TOX2: variants seen among roughly 807,000 people sequenced by gnomAD.
The protein encoded by TOX2 is TOX high mobility group box family member 2, also known as granulosa cell HMG box 1.
In TOX2, 15 loss-of-function variants were observed where a neutral mutation model predicts 47.4. The observed-to-expected ratio is 0.32, with a 90% confidence interval of 0.21 to 0.49. The LOEUF is 0.49. Among genes scored for constraint, TOX2 ranks in the 20% least tolerant of loss-of-function variants. The probability of loss-of-function intolerance (pLI) is 0.99; values close to 1 mark genes in which losing one functional copy is unlikely to be tolerated. For synonymous variants in TOX2, 290 were observed against 296.6 expected (o/e 0.98, Z 0.23); for missense variants, 622 against 673.1 (o/e 0.92, Z 0.84).
At chr20:43,970,820 C>T (rs1159461566) in intron 1 of TOX2, among the ~76,000 whole-genome samples, 2 of 152,158 alleles carry the variant, frequency 1.3e-5, no homozygotes, top group Non-Finnish European at 2.9e-5. Context: ...CACTCTGGGA[C>T]AGATGACAAA....
chr20:43,942,982 A>AC (rs923387865), intron 1 of TOX2, among the ~76,000 whole-genome samples: 1 of 152,064 alleles, frequency 6.6e-6, no homozygotes, highest in African/African-American at 2.4e-5. Flanking sequence ...CAGCGATGGG[A>AC]CCCCCTCCAA....
At chr20:43,973,677 A>C (rs1287917486) in intron 2 of TOX2, among the ~76,000 whole-genome samples, 1 of 152,182 alleles carries the variant, frequency 6.6e-6, no homozygotes, top group African/African-American at 2.4e-5. Flanking sequence ...ATGAAACTTG[A>C]AATGTATTGC....
chr20:44,006,395 G>A (rs2070679628), intron 2 of TOX2, 152 bp from the exon 3 acceptor site: 8 of 1,262,506 alleles, frequency 6.3e-6, no homozygotes, highest in East Asian at 4.7e-5. Context: ...TTAGGGCACC[G>A]TCTTGACCCT....
chr20:43,922,582 T>G (rs1298106279), intron 1 of TOX2, among the ~76,000 whole-genome samples: 1 of 152,224 alleles, frequency 6.6e-6, no homozygotes, highest in African/African-American at 2.4e-5. Flanking sequence ...CAGCATGGTT[T>G]GGGAGCAACA....
At chr20:43,978,222 G>A (rs1208798813) in intron 2 of TOX2, among the ~76,000 whole-genome samples, 1 of 152,132 alleles carries the variant, frequency 6.6e-6, no homozygotes, top group South Asian at 2.1e-4. Context: ...AGAAGGGGAG[G>A]TCTAGAAACC....
intron 2 of TOX2, among the ~76,000 whole-genome samples, chr20:43,998,989 A>G (rs2070529918): frequency 6.6e-6 from 1 of 152,084 alleles, no homozygotes; most frequent in African/African-American, 2.4e-5. Context: ...TGGACTCCTG[A>G]CCTGAGGTGA....
chr20:43,970,284 G>T (rs920253965), intron 1 of TOX2, among the ~76,000 whole-genome samples: 9 of 152,196 alleles, frequency 5.9e-5, no homozygotes, highest in Non-Finnish European at 2.9e-5. Context: ...TTCTTCATTG[G>T]ATCATCGTGA....
At position 43,915,087 on chromosome 20, in the gene TOX2, A is replaced by G. The variant is rs1328101917; in HGVS notation, c.99+97A>G. On this transcript the variant is annotated intron_variant, in intron 1 of 8. Coordinates refer to ENST00000341197, the MANE Select transcript of TOX2 (RefSeq NM_001098797.2). The surrounding 1 kb of genome is among the most constrained non-coding windows in gnomAD (Gnocchi z 7.1). ...CCCGGGGTCACACGGGGCCGCGCACATCAGCCCCGCCGACGGGCACGGGCG... is the reference window on the plus strand; with the variant it reads ...CCCGGGGTCACACGGGGCCGCGCACGTCAGCCCCGCCGACGGGCACGGGCG... The G allele has an allele frequency of 1.5e-6, 1 of 666,046 alleles. No homozygotes were observed. Among genetic ancestry groups the G allele is most frequent in the African/African-American group, 2.0e-5 (1 of 50,940 alleles). 41.3% of individuals were successfully genotyped at this position (666,046 alleles called of 1,614,324 possible).
intron 1 of TOX2, among the ~76,000 whole-genome samples, chr20:43,921,571 A>G (rs993969902): frequency 2.0e-5 from 3 of 152,102 alleles, no homozygotes; most frequent in Non-Finnish European, 2.9e-5. Flanking sequence ...GAGCAGCCCA[A>G]CTGAAAGTTA....
chr20:44,026,046 G>T (rs1226757051), intron 3 of TOX2, among the ~76,000 whole-genome samples: 1 of 151,694 alleles, frequency 6.6e-6, no homozygotes, highest in East Asian at 1.9e-4. Flanking sequence ...CTTTAAGCCA[G>T]CTTGGATTCT....
chr20:43,926,077 A>G (rs1176199511), intron 1 of TOX2, among the ~76,000 whole-genome samples: 1 of 152,204 alleles, frequency 6.6e-6, no homozygotes, highest in African/African-American at 2.4e-5. Flanking sequence ...ATGATTTAGA[A>G]ACTTGTCGGA....
At chr20:44,045,068 T>C (rs1171862983) in intron 3 of TOX2, among the ~76,000 whole-genome samples, 4 of 152,160 alleles carry the variant, frequency 2.6e-5, no homozygotes, top group Non-Finnish European at 1.5e-5. Flanking sequence ...GTCATAGTTC[T>C]AGAGACAGAA....
At chr20:44,006,843 G>A in intron 3 of TOX2, 51 bp downstream of exon 3, 1 of 1,579,370 alleles carries the variant, frequency 6.3e-7, no homozygotes, top group Non-Finnish European at 8.6e-7. Context: ...CAGGGAGGGG[G>A]TTGAGAGGGA....
intron 1 of TOX2, among the ~76,000 whole-genome samples, chr20:43,958,975 T>C (rs2069713143): frequency 6.6e-6 from 1 of 152,126 alleles, no homozygotes; most frequent in African/African-American, 2.4e-5. Context: ...CAGTTTTCTG[T>C]TTTCTGGGAG....
At chr20:44,010,587 A>G (rs972862514) in intron 3 of TOX2, among the ~76,000 whole-genome samples, 2 of 152,218 alleles carry the variant, frequency 1.3e-5, no homozygotes, top group Admixed American at 1.3e-4. Context: ...TTTTAAATTC[A>G]TCTGAACCAC....
At chr20:44,054,240 C>T (rs1027631199) in intron 4 of TOX2, 59 bp from the exon 5 acceptor site, 47 of 1,529,502 alleles carry the variant, frequency 3.1e-5, no homozygotes, top group East Asian at 4.9e-5. Flanking sequence ...CTGTGTTGAT[C>T]GCCTTTGGCA....
At chr20:43,941,432 G>T (rs1242309159) in intron 1 of TOX2, among the ~76,000 whole-genome samples, 1 of 151,198 alleles carries the variant, frequency 6.6e-6, no homozygotes, top group Non-Finnish European at 1.5e-5. Flanking sequence ...TCCCAGGATC[G>T]AGTGATGCTC....
At chr20:43,988,990 T>C (rs1446088154) in intron 2 of TOX2, among the ~76,000 whole-genome samples, 1 of 152,212 alleles carries the variant, frequency 6.6e-6, no homozygotes, top group Non-Finnish European at 1.5e-5. Flanking sequence ...CTGCATGTGA[T>C]GGACTGGAAT....
Position 44,068,743 on chromosome 20 carries a change from G to A in TOX2, c.*57G>A. The A allele has an allele frequency of 6.2e-7, 1 of 1,610,716 alleles. No homozygotes were observed. Among genetic ancestry groups the A allele is most frequent in the Non-Finnish European group, 8.5e-7 (1 of 1,177,964 alleles). ...GGAAGGCACTGCTCAGAGCCTGAAG[G>A]GCTGACAGCAGAAAAGAGGCCCTGG... On this transcript the variant is annotated 3_prime_UTR_variant, in exon 9 of 9. Transcript: ENST00000341197.
Sources: allele counts gnomAD v4.1 joint callset (sites outside exome capture counted in the v4.1 genomes callset), GRCh38; gene constraint gnomAD v4.1.1; non-coding constraint Gnocchi (gnomAD v3.1); transcripts MANE v1.5; gene names NCBI Gene and HGNC (gene_info 2026-07-23, HGNC 2026-07-21).